The following UTRN variants were observed in gnomAD, a reference collection of about 807,000 sequenced individuals.
UTRN encodes utrophin.
UTRN carries 283 observed loss-of-function variants against 463.9 expected under a neutral mutation model. The observed-to-expected ratio is 0.61, with a 90% CI of 0.55 to 0.67. The LOEUF (loss-of-function observed/expected upper bound fraction) is 0.67, where lower values mean the gene tolerates loss of function less well. Among genes scored for constraint, UTRN ranks in the 30% least tolerant of loss-of-function variants. The probability of loss-of-function intolerance (pLI) is 0.00; values close to 1 mark genes in which losing one functional copy is unlikely to be tolerated. For synonymous variants in UTRN, 1,442 were observed against 1,431.5 expected (o/e 1.01, Z -0.17); for missense variants, 3,922 against 4,084.3 (o/e 0.96, Z 1.08).
At position 144,340,803 on chromosome 6, in the gene UTRN, G is replaced by C. The variant is rs76443427; in HGVS notation, c.79+48896G>C. On this transcript the variant is annotated intron_variant, in intron 2 of 74. Transcript: ENST00000367545. Reference sequence around the variant, plus strand: ...TAGCAGAAGAATGGATCTGTGAATAGAGTGGGTCCTGACATTGCACAACAG... The same window carrying C: ...TAGCAGAAGAATGGATCTGTGAATACAGTGGGTCCTGACATTGCACAACAG... Among the ~76,000 whole-genome samples, 589 of 152,364 alleles carry C rather than the reference G, an allele frequency of 3.9e-3. 3 individuals are homozygous for C. Among genetic ancestry groups the C allele is most frequent in the African/African-American group, 0.014 (568 of 41,582 alleles).
intron 63 of UTRN, among the ~76,000 whole-genome samples, chr6:144,797,358 T>TTG (rs1024188813): frequency 5.3e-5 from 8 of 151,932 alleles, no homozygotes; most frequent in Non-Finnish European, 1.0e-4. Context: ...CCAGCTAATT[T>TTG]TGTGTGTGTG....
intron 51 of UTRN, among the ~76,000 whole-genome samples, chr6:144,604,716 C>T (rs965447477): frequency 1.7e-4 from 26 of 152,138 alleles, no homozygotes; most frequent in African/African-American, 6.0e-4. Flanking sequence ...GAGTTCGAGA[C>T]CAGCCTGGCC....
Position 144,490,110 on chromosome 6 carries a change from G to C in UTRN, c.4174G>C (p.Glu1392Gln), listed in dbSNP as rs1792911406. 2 of 1,613,538 alleles carry C rather than the reference G, an allele frequency of 1.2e-6. No individual in the cohort carries two copies. The highest frequency in any genetic ancestry group is 1.7e-6 in the Non-Finnish European group (2 of 1,179,824). ...GATCTCAGCCCATGAGCTAACCCTA[G>C]AGGAGTTGAGAAGAAATATGCGTTC... is the stretch of plus-strand genomic sequence containing the variant. Reference protein sequence around the residue: ...AEISAHELTLEELRRNMRSQP... With the variant: ...AEISAHELTLQELRRNMRSQP... Residue 1392 changes from glutamate to glutamine, a missense_variant, in exon 31 of 75, where the codon GAG becomes CAG. Coordinates refer to ENST00000367545, the MANE Select transcript of UTRN (RefSeq NM_007124.3).
rs111723532 is a variant in UTRN at position 144,389,598 on chromosome 6, CT to C, written c.80-13515del. On this transcript the variant is annotated intron_variant, in intron 2 of 74. Coordinates refer to ENST00000367545, the MANE Select transcript of UTRN (RefSeq NM_007124.3). ...GCACATCCCTTTCTCCTTCATTACT[CT>C]TTTTTTTTTCCCCCCCTGAGACGGG... is the stretch of plus-strand genomic sequence containing the variant. Among the ~76,000 whole-genome samples the C allele has an allele frequency of 6.6e-4, 99 of 150,074 alleles. 1 individual carries two copies. In the South Asian group the frequency reaches 9.9e-3, roughly 15 times the overall value.
chr6:144,683,204 G>A (rs1782385785), intron 52 of UTRN, among the ~76,000 whole-genome samples: 1 of 152,172 alleles, frequency 6.6e-6, no homozygotes, highest in Non-Finnish European at 1.5e-5. Flanking sequence ...CAGTCACTGG[G>A]CAAGGTGGCT....
At chr6:144,335,033 A>G (rs1049008986) in intron 2 of UTRN, among the ~76,000 whole-genome samples, 1 of 152,256 alleles carries the variant, frequency 6.6e-6, no homozygotes, top group Non-Finnish European at 1.5e-5. Context: ...GAACATCCGT[A>G]GTTCCAGTAC....
At chr6:144,789,042 T>A (rs1776534454) in intron 61 of UTRN, 152 bp from the exon 62 acceptor site, 4 of 625,674 alleles carry the variant, frequency 6.4e-6, no homozygotes, top group Admixed American at 3.0e-5. Flanking sequence ...ATTGGTTTAA[T>A]ATTAATTGTT....
intron 53 of UTRN, among the ~76,000 whole-genome samples, chr6:144,709,543 AG>A (rs1156878723): frequency 1.8e-4 from 28 of 152,202 alleles, no homozygotes; most frequent in Non-Finnish European, 2.9e-4. Flanking sequence ...ATTCCCTAAA[AG>A]TTCCCATAGA....
chr6:144,294,100 A>G (rs896237039), intron 2 of UTRN, among the ~76,000 whole-genome samples: 7 of 152,050 alleles, frequency 4.6e-5, no homozygotes, highest in South Asian at 2.1e-4. Context: ...AAGTTCTTCA[A>G]TGAACCCACA....
chr6:144,336,713 T>G (rs1013768221), intron 2 of UTRN, among the ~76,000 whole-genome samples: 2 of 152,054 alleles, frequency 1.3e-5, no homozygotes, highest in African/African-American at 4.8e-5. Flanking sequence ...AATTACTCCC[T>G]CTTTCTTTTT....
At chr6:144,715,625 C>T (rs1315970116) in intron 53 of UTRN, among the ~76,000 whole-genome samples, 2 of 151,964 alleles carry the variant, frequency 1.3e-5, no homozygotes, top group Non-Finnish European at 2.9e-5. Context: ...CCCTTCTTTA[C>T]TCAACTTCTC....
intron 46 of UTRN, among the ~76,000 whole-genome samples, chr6:144,545,229 A>T (rs1798298292): frequency 6.6e-6 from 1 of 152,182 alleles, no homozygotes; most frequent in Admixed American, 6.5e-5. Context: ...CTCCTAACTC[A>T]TAATCCTGAT....
intron 51 of UTRN, among the ~76,000 whole-genome samples, chr6:144,607,177 A>T (rs1385620868): frequency 6.6e-6 from 1 of 152,206 alleles, no homozygotes; most frequent in Non-Finnish European, 1.5e-5. Context: ...GTTTCTGCAA[A>T]TATTTTGATG....
In UTRN at chr6:144,488,804, A is replaced by C; in HGVS notation, c.4104A>C (p.Ile1368=). 1 of 1,603,766 alleles carries C rather than the reference A, an allele frequency of 6.2e-7. No individual in the cohort carries two copies. Among genetic ancestry groups the C allele is most frequent in the Non-Finnish European group, 8.5e-7 (1 of 1,174,002 alleles). ...TCACCACATACCTGACTGACAGGAT[A>C]GATGCTTTCCAAGTTCCACAGGAAG... The part of the protein sequence containing the change: ...KQLTTYLTDR[I]DAFQVPQEAQ... Residue 1368 remains isoleucine (I), a synonymous_variant, in exon 30 of 75, where the codon ATA becomes ATC. Transcript: ENST00000367545.
intron 58 of UTRN, among the ~76,000 whole-genome samples, chr6:144,759,795 C>G (rs947897249): frequency 6.6e-6 from 1 of 152,072 alleles, no homozygotes; most frequent in African/African-American, 2.4e-5. Context: ...TCTCTTAGAA[C>G]CTCCAGAGAA....
At chr6:144,562,545 T>C (rs1800032142) in intron 50 of UTRN, among the ~76,000 whole-genome samples, 1 of 152,226 alleles carries the variant, frequency 6.6e-6, no homozygotes, top group Non-Finnish European at 1.5e-5. Context: ...CATTCCTTTT[T>C]ATGGCTGCAT....
chr6:144,369,771 T>G (rs112785479), intron 2 of UTRN, among the ~76,000 whole-genome samples: 1 of 152,070 alleles, frequency 6.6e-6, no homozygotes, highest in Non-Finnish European at 1.5e-5. Flanking sequence ...GTAATTGAAT[T>G]ATGAGGGCAG....
intron 3 of UTRN, among the ~76,000 whole-genome samples, chr6:144,405,605 C>T (rs1264273310): frequency 1.3e-5 from 2 of 152,036 alleles, no homozygotes; most frequent in Non-Finnish European, 2.9e-5. Flanking sequence ...CCACTACTTC[C>T]CTACAGTGTG....
chr6:144,698,092 C>G (rs534273091), intron 52 of UTRN, among the ~76,000 whole-genome samples: 2 of 152,264 alleles, frequency 1.3e-5, no homozygotes, highest in Admixed American at 6.5e-5. Flanking sequence ...TGCAGTAGCT[C>G]AGTCAAATTT....
Sources: gnomAD v4.1 joint callset for allele counts (sites outside exome capture counted in the v4.1 genomes callset) on GRCh38, gnomAD v4.1.1 for gene constraint, MANE v1.5 for transcripts, NCBI Gene and HGNC (gene_info 2026-07-23, HGNC 2026-07-21) for gene names.